CABIN1: variants seen among roughly 807,000 people sequenced by gnomAD.
CABIN1 encodes the protein calcineurin-binding protein cabin-1.
A neutral mutation model predicts 227.7 loss-of-function variants in CABIN1; 133 were observed. That is an observed-to-expected ratio of 0.58 (90% confidence interval 0.51 to 0.67). The LOEUF (loss-of-function observed/expected upper bound fraction) is 0.67, where lower values mean the gene tolerates loss of function less well. CABIN1 is among the 30% of genes least tolerant of loss of function. The pLI is 0.00. For synonymous variants in CABIN1, 1,086 were observed against 1,155.1 expected (o/e 0.94, Z 1.21); for missense variants, 2,408 against 2,852.5 (o/e 0.84, Z 3.55).
Position 24,099,138 on chromosome 22 carries a change from G to T in CABIN1, c.4117+946G>T, listed in dbSNP as rs1338139276. ...GAAGTTCAGTCCCAGTACAGGTCTG[G>T]GGGGGGCCACCACCTTCGCTCTAGT... On this transcript the variant is annotated intron_variant, in intron 26 of 36. Coordinates refer to ENST00000263119, the MANE Select transcript of CABIN1 (RefSeq NM_012295.4). Among the ~76,000 whole-genome samples, 3 of 152,138 alleles carry T rather than the reference G, an allele frequency of 2.0e-5. No homozygotes were observed. The East Asian group carries it at 5.8e-4, about 29-fold the overall frequency.
At chr22:24,162,858 G>A (rs773621568) in intron 29 of CABIN1, among the ~76,000 whole-genome samples, 23 of 152,222 alleles carry the variant, frequency 1.5e-4, no homozygotes, top group Non-Finnish European at 2.1e-4. Flanking sequence ...AACTAGACCC[G>A]TCCTCACGGG....
rs1275247929 is a variant in CABIN1, at chr22:24,049,083, C to T, written c.527-8C>T. ...TCAGAAGTCATAAACTGTCTCTTTCCCCGCCAGCATGTCTGTACTTCATCT... is the reference window on the plus strand; with the variant it reads ...TCAGAAGTCATAAACTGTCTCTTTCTCCGCCAGCATGTCTGTACTTCATCT... On this transcript the variant is annotated splice_polypyrimidine_tract_variant and splice_region_variant and intron_variant, in intron 6 of 36. Transcript: ENST00000263119. 1.2e-6 allele frequency: 2 copies of T among 1,613,772 alleles called. No homozygotes were observed. Among genetic ancestry groups the T allele is most frequent in the South Asian group, 1.1e-5 (1 of 91,038 alleles).
chr22:24,165,288 G>A (rs1201417788), intron 30 of CABIN1, among the ~76,000 whole-genome samples: 1 of 152,248 alleles, frequency 6.6e-6, no homozygotes, highest in African/African-American at 2.4e-5. Flanking sequence ...AGCACACAGG[G>A]TGGGCCCACT....
At chr22:24,103,695 A>G (rs2042345849) in intron 26 of CABIN1, among the ~76,000 whole-genome samples, 2 of 152,080 alleles carry the variant, frequency 1.3e-5, no homozygotes, top group Admixed American at 1.3e-4. Context: ...AGAGCCACTC[A>G]CCTCTTTTGT....
At chr22:24,098,418 AG>A in intron 26 of CABIN1, 1 of 875,232 alleles carries the variant, frequency 1.1e-6, no homozygotes, top group Non-Finnish European at 1.8e-6. Context: ...CCTGGGAGCC[AG>A]GGGAGGGGGC....
chr22:24,161,157 T>C (rs2046130244), intron 29 of CABIN1, among the ~76,000 whole-genome samples: 1 of 152,184 alleles, frequency 6.6e-6, no homozygotes, highest in Admixed American at 6.5e-5. Context: ...TGTGACCTCA[T>C]CTGCCAGTGA....
chr22:24,039,772 A>G (rs565068633), intron 4 of CABIN1, among the ~76,000 whole-genome samples: 1 of 152,368 alleles, frequency 6.6e-6, no homozygotes, highest in East Asian at 1.9e-4. Context: ...CTTAAAAGGG[A>G]CAACATGCTC....
intron 29 of CABIN1, among the ~76,000 whole-genome samples, chr22:24,154,047 G>A (rs999843673): frequency 5.3e-5 from 8 of 152,186 alleles, no homozygotes; most frequent in East Asian, 1.9e-4. Flanking sequence ...AGGCATGCGC[G>A]CTGGGGAGAG....
At chr22:24,107,657 T>G (rs2042588653) in intron 26 of CABIN1, among the ~76,000 whole-genome samples, 1 of 152,220 alleles carries the variant, frequency 6.6e-6, no homozygotes, top group African/African-American at 2.4e-5. Context: ...TCCTTCACAT[T>G]GCAGCATCAA....
At chr22:24,035,117 G>T (rs933718733) in intron 1 of CABIN1, among the ~76,000 whole-genome samples, 6 of 152,158 alleles carry the variant, frequency 3.9e-5, no homozygotes, top group African/African-American at 1.4e-4. Flanking sequence ...GCTGCCTTTA[G>T]ATGTTGCCTG....
At chr22:24,104,278 C>T (rs1026243908) in intron 26 of CABIN1, among the ~76,000 whole-genome samples, 5 of 152,204 alleles carry the variant, frequency 3.3e-5, no homozygotes, top group Admixed American at 2.0e-4. Context: ...AGAACTGCTT[C>T]GCTTCTTCTG....
At position 24,050,806 on chromosome 22, in the gene CABIN1, CT is replaced by C; in HGVS notation, c.657-18del. The C allele has an allele frequency of 6.2e-7, 1 of 1,614,074 alleles. No individual in the cohort carries two copies. The highest frequency in any genetic ancestry group is 1.3e-5 in the African/African-American group (1 of 75,046). ...TAGTTTGTAACATGATAATTTCTCC[CT>C]GTCTCACATGCTTTTAGTGACATGT... On this transcript the variant is annotated intron_variant, in intron 7 of 36. Coordinates refer to ENST00000263119, the MANE Select transcript of CABIN1 (RefSeq NM_012295.4).
intron 1 of CABIN1, among the ~76,000 whole-genome samples, chr22:24,035,138 C>T (rs1057443872): frequency 7.2e-5 from 11 of 152,226 alleles, no homozygotes; most frequent in South Asian, 4.2e-4. Context: ...TGTTTCTTTT[C>T]GTATCATTCA....
intron 1 of CABIN1, among the ~76,000 whole-genome samples, chr22:24,017,039 CTTTTTTTTTTT>C (rs767688741): frequency 8.2e-6 from 1 of 122,226 alleles, no homozygotes; most frequent in Non-Finnish European, 1.7e-5. Flanking sequence ...TACAATTTAT[CTTTTTTTTTTT>C]TTTTTTTTTG....
intron 35 of CABIN1, among the ~76,000 whole-genome samples, chr22:24,176,499 GA>G (rs2047118009): frequency 6.6e-6 from 1 of 152,182 alleles, no homozygotes; most frequent in South Asian, 2.1e-4. Context: ...GGGCTGGGTA[GA>G]GAGGGACCCC....
At chr22:24,114,765 A>C (rs1184152805) in intron 27 of CABIN1, among the ~76,000 whole-genome samples, 1 of 152,148 alleles carries the variant, frequency 6.6e-6, no homozygotes, top group Admixed American at 6.5e-5. Flanking sequence ...AGCCATTTAC[A>C]CTAAGAAGAC....
At chr22:24,164,606 G>A (rs1381457436) in intron 30 of CABIN1, 43 bp downstream of exon 30, 1 of 1,592,350 alleles carries the variant, frequency 6.3e-7, no homozygotes, top group Admixed American at 1.7e-5. Flanking sequence ...TGCTGTGTGG[G>A]TCAGGGGCAC....
chr22:24,077,538 G>A lies in CABIN1; in HGVS notation c.2748+1254G>A, dbSNP rs2040526692. Among the ~76,000 whole-genome samples the A allele has an allele frequency of 2.0e-5, 3 of 152,202 alleles. No homozygotes were observed. In the South Asian group the frequency reaches 6.2e-4, roughly 32 times the overall value. ...GCAAATTCCAGCCCCAGCTCCAGAT[G>A]CCTGAATGTCTCCCCTACCCCGTGA... On this transcript the variant is annotated intron_variant, in intron 19 of 36. Transcript: ENST00000263119.
intron 26 of CABIN1, among the ~76,000 whole-genome samples, chr22:24,113,206 A>G (rs2042900835): frequency 6.6e-6 from 1 of 152,254 alleles, no homozygotes; most frequent in Admixed American, 6.5e-5. Context: ...TCCACATTTG[A>G]CAACAGCACG....
Sources: allele counts gnomAD v4.1 joint callset (sites outside exome capture counted in the v4.1 genomes callset), GRCh38; gene constraint gnomAD v4.1.1; transcripts MANE v1.5; gene names NCBI Gene and HGNC (gene_info 2026-07-23, HGNC 2026-07-21).